SH2D3C: variants seen among roughly 807,000 people sequenced by gnomAD.
SH2D3C encodes the protein SH2 domain containing 3C, also known as SH2 domain-containing protein 3C.
SH2D3C carries 25 observed loss-of-function variants against 75.2 expected under a neutral mutation model. That is an observed-to-expected ratio of 0.33 (90% CI 0.24 to 0.46). The LOEUF (loss-of-function observed/expected upper bound fraction) is 0.46. Ranked by LOEUF, SH2D3C falls within the 20% of genes least tolerant of loss-of-function variation. The pLI is 1.00. For missense variants in SH2D3C, 933 were observed against 1,165.3 expected (o/e 0.80, Z 2.90); for synonymous variants, 450 against 473.7 (o/e 0.95, Z 0.65).
intron 7 of SH2D3C, among the ~76,000 whole-genome samples, chr9:127,744,284 T>C (rs1034045720): frequency 6.6e-6 from 1 of 152,044 alleles, no homozygotes; most frequent in Admixed American, 6.6e-5. Flanking sequence ...TTGCCCAGGC[T>C]GGTCTTGAAC....
chr9:127,755,879 A>G (rs1471240874), intron 3 of SH2D3C, among the ~76,000 whole-genome samples: 1 of 152,238 alleles, frequency 6.6e-6, no homozygotes, highest in African/African-American at 2.4e-5. Context: ...TGTCAAACGC[A>G]GCTAAAGCCT....
rs368240229 is a variant in SH2D3C, at chr9:127,744,795, C to T, written c.1569G>A (p.Glu523=). 9.3e-6 allele frequency: 15 copies of T among 1,614,112 alleles called. No individual in the cohort carries two copies. Among genetic ancestry groups the T allele is most frequent in the Non-Finnish European group, 1.2e-5 (14 of 1,180,044 alleles). ...CATTTTCTGACAGTTCCTTTAGCCT[C>T]TCCCCATAGCTCCTGGCCTGCTGGC... ...TSSQQARSYG[E]RLKELSENGA... The change falls in exon 7 of 12, where the codon GAG becomes GAA. Residue 523 remains glutamate, a synonymous_variant. Coordinates refer to ENST00000314830, the MANE Select transcript of SH2D3C (RefSeq NM_170600.3).
intron 2 of SH2D3C, among the ~76,000 whole-genome samples, chr9:127,762,703 C>A (rs573287412): frequency 1.8e-4 from 28 of 152,188 alleles, no homozygotes; most frequent in Non-Finnish European, 4.0e-4. Context: ...GGCTCCGTGT[C>A]CACTGCCACC....
At chr9:127,763,083 C>G (rs749378305) in intron 2 of SH2D3C, among the ~76,000 whole-genome samples, 13 of 152,240 alleles carry the variant, frequency 8.5e-5, no homozygotes, top group Non-Finnish European at 1.9e-4. Flanking sequence ...GTTCCGGCCA[C>G]AGGGCCTTCG....
At chr9:127,775,923 G>T (rs1040641836) in intron 1 of SH2D3C, among the ~76,000 whole-genome samples, 1 of 151,898 alleles carries the variant, frequency 6.6e-6, no homozygotes, top group Non-Finnish European at 1.5e-5. Context: ...CCACCTTCTG[G>T]GTTCAAGCGA....
rs758191915 is a variant in SH2D3C at position 127,773,999 on chromosome 9, T to C, written c.506A>G (p.His169Arg). Residue 169 changes from histidine (H) to arginine (R), a missense_variant, in exon 2 of 12, where the codon CAC becomes CGC. By Grantham distance (29) the His-to-Arg change is conservative (BLOSUM62 0). Coordinates refer to ENST00000314830, the MANE Select transcript of SH2D3C (RefSeq NM_170600.3). ...GCCCCTGGGCACCTACCTTTCTGAG[T>C]GCACGTCCCTGGGAGGTCTCTCCTC... ...VEEERPPRDV[H>R]SERAAGEPEA... 28 of 1,607,784 alleles carry C rather than the reference T, an allele frequency of 1.7e-5. No individual in the cohort carries two copies. Among genetic ancestry groups the C allele is most frequent in the Middle Eastern group, 1.7e-4 (1 of 5,932 alleles).
intron 2 of SH2D3C, chr9:127,771,110 C>T: frequency 2.5e-6 from 3 of 1,195,272 alleles, no homozygotes; most frequent in Middle Eastern, 2.0e-4. Flanking sequence ...TGTCAGCTGC[C>T]CCAGGGGTGC....
rs7852090 is a variant in SH2D3C, at chr9:127,739,959, T to C, written c.2201-71A>G. 71,644 of 1,389,486 alleles carry C rather than the reference T, an allele frequency of 0.052. 4,180 individuals carry two copies. Among genetic ancestry groups the C allele is most frequent in the African/African-American group, 0.29 (20,048 of 68,922 alleles). The allele number at this position is 1,389,486 out of a possible 1,614,324, so 86.1% of individuals were successfully genotyped here. On this transcript the variant is annotated intron_variant, in intron 10 of 11. Transcript: ENST00000314830. This position sits in a 1 kb window ranked among gnomAD's most constrained non-coding sequence, Gnocchi z 4.3. The stretch of plus-strand genomic sequence containing the variant: ...CACCATCCACTGCAGTCCTGGAAGC[T>C]GAGGTGCAGGAGGGAACGGGCCTGG...
At chr9:127,746,853 G>A (rs980517635) in intron 6 of SH2D3C, among the ~76,000 whole-genome samples, 2 of 152,154 alleles carry the variant, frequency 1.3e-5, no homozygotes, top group Non-Finnish European at 2.9e-5. Context: ...CAAGAGAATC[G>A]CTTGAACCCA....
In SH2D3C at chr9:127,742,926, G is replaced by T; in HGVS notation, c.1839C>A (p.Thr613=). 1.2e-6 allele frequency: 2 copies of T among 1,613,926 alleles called. No individual in the cohort carries two copies. Among genetic ancestry groups the T allele is most frequent in the Non-Finnish European group, 8.5e-7 (1 of 1,179,890 alleles). Residue 613 remains threonine, a synonymous_variant, in exon 8 of 12, where the codon ACC becomes ACA. Transcript: ENST00000314830. ...RILGVTKEMQ[T]LMGVRWGMEL... is the part of the protein sequence containing the mutation. The stretch of plus-strand genomic sequence containing the variant: ...CCATGCCCCAGCGGACTCCCATTAG[G>T]GTCTGCATCTCCTTGGTAACGCCCA...
chr9:127,743,851 G>T (rs899857200), intron 7 of SH2D3C, among the ~76,000 whole-genome samples: 1 of 152,112 alleles, frequency 6.6e-6, no homozygotes, highest in Non-Finnish European at 1.5e-5. Context: ...GGGCCGAGGA[G>T]GTAATGATTT....
chr9:127,741,724 C>T, intron 9 of SH2D3C, 64 bp downstream of exon 9: 1 of 1,552,410 alleles, frequency 6.4e-7, no homozygotes, highest in Non-Finnish European at 8.7e-7. Context: ...ACAGCCATCC[C>T]AAAGGCACCC....
chr9:127,761,547 C>G (rs529894076), intron 3 of SH2D3C, 64 bp downstream of exon 3: 14 of 1,212,904 alleles, frequency 1.2e-5, no homozygotes, highest in East Asian at 4.8e-5. Flanking sequence ...TCTGCCCACC[C>G]GTAATGGAGC....
chr9:127,767,325 G>C, intron 2 of SH2D3C: 1 of 1,430,080 alleles, frequency 7.0e-7, no homozygotes, highest in Non-Finnish European at 9.1e-7. Flanking sequence ...GTGGATGAGG[G>C]AACGCCTGGA....
chr9:127,755,193 G>T (rs532397395), intron 3 of SH2D3C: 195 of 1,201,168 alleles, frequency 1.6e-4, no homozygotes, highest in South Asian at 9.9e-4. Flanking sequence ...GGGACGGTGT[G>T]GGGGGGCGGT....
rs376156609 is a variant in SH2D3C, at chr9:127,744,662, G to A, written c.1702C>T (p.Arg568Trp). The A allele has an allele frequency of 5.6e-6, 9 of 1,614,216 alleles. No individual in the cohort carries two copies. The highest frequency in any genetic ancestry group is 2.2e-5 in the East Asian group (1 of 44,882). Residue 568 changes from arginine to tryptophan, a missense_variant, in exon 7 of 12, where the codon CGG becomes TGG. By Grantham distance (101) the Arg-to-Trp change is moderately radical. Transcript: ENST00000314830. ...CGCAGAAGGCCCACCTCCAGTGGCCGGTTATCCCTGGGGATCAGTAGTGAC... is the reference window on the plus strand; with the variant it reads ...CGCAGAAGGCCCACCTCCAGTGGCCAGTTATCCCTGGGGATCAGTAGTGAC... ...FQSLLIPRDN[R>W]PLEVGLLRKV...
chr9:127,755,483 G>C (rs1182101000), intron 3 of SH2D3C, among the ~76,000 whole-genome samples: 3 of 152,218 alleles, frequency 2.0e-5, no homozygotes, highest in Admixed American at 6.5e-5. Flanking sequence ...GGTATTACCG[G>C]GGGCAGCGGG....
chr9:127,750,469 C>T (rs1184195243), intron 4 of SH2D3C, among the ~76,000 whole-genome samples: 1 of 152,168 alleles, frequency 6.6e-6, no homozygotes, highest in East Asian at 1.9e-4. Context: ...CTGGTGAACT[C>T]CTATCCACCT....
At chr9:127,740,134 C>A in intron 10 of SH2D3C, 124 bp downstream of exon 10, 2 of 845,806 alleles carry the variant, frequency 2.4e-6, no homozygotes, top group Non-Finnish European at 3.8e-6. Context: ...CCAGCAGGAA[C>A]AGTGAGCTCA....
Sources: gnomAD v4.1 joint callset for allele counts (sites outside exome capture counted in the v4.1 genomes callset) on GRCh38, gnomAD v4.1.1 for gene constraint, Gnocchi (gnomAD v3.1) non-coding constraint, MANE v1.5 for transcripts, NCBI Gene and HGNC (gene_info 2026-07-23, HGNC 2026-07-21) for gene names.